The following ZNF652 variants were observed in gnomAD, a reference collection of about 807,000 sequenced individuals.
ZNF652 encodes zinc finger protein 652.
ZNF652 carries 16 observed loss-of-function variants against 45.2 expected under a neutral mutation model. The observed-to-expected ratio is 0.35, with a 90% CI of 0.24 to 0.54. The LOEUF (loss-of-function observed/expected upper bound fraction) is 0.54, where lower values mean the gene tolerates loss of function less well. Ranked by LOEUF, ZNF652 falls within the 20% of genes least tolerant of loss-of-function variation. The pLI is 0.91. For missense variants in ZNF652, 614 were observed against 765.6 expected, an observed-to-expected ratio of 0.80 and a Z score of 2.34; for synonymous variants, 250 against 260.6, an observed-to-expected ratio of 0.96 and a Z score of 0.39.
intron 1 of ZNF652, among the ~76,000 whole-genome samples, chr17:49,355,234 T>G (rs2070322998): frequency 6.6e-6 from 1 of 152,174 alleles, no homozygotes; most frequent in Admixed American, 6.6e-5. Flanking sequence ...ATAAAAAACT[T>G]TTAATAATTA....
Position 49,292,063 on chromosome 17 carries a change from A to T in ZNF652, c.*6350T>A, listed in dbSNP as rs920062699. Reference sequence around the variant, plus strand: ...TAGATACCCACCTTGTGTGGTTATTAGTCTTAAAAACCTGAGTACTATTAA... The same window carrying T: ...TAGATACCCACCTTGTGTGGTTATTTGTCTTAAAAACCTGAGTACTATTAA... On this transcript the variant is annotated 3_prime_UTR_variant, in exon 6 of 6. Coordinates refer to ENST00000430262, the MANE Select transcript of ZNF652 (RefSeq NM_001145365.3). Among the ~76,000 whole-genome samples, 2 of 152,188 alleles carry T rather than the reference A, an allele frequency of 1.3e-5. No individual in the cohort carries two copies. Among genetic ancestry groups the T allele is most frequent in the Non-Finnish European group, 2.9e-5 (2 of 68,030 alleles).
chr17:49,315,926 C>A (rs1457733289), intron 2 of ZNF652, among the ~76,000 whole-genome samples: 1 of 152,118 alleles, frequency 6.6e-6, no homozygotes, highest in Admixed American at 6.5e-5. Flanking sequence ...AAGTGACTAC[C>A]AATATTAGAA....
Position 49,297,026 on chromosome 17 carries a change from G to C in ZNF652, c.*1387C>G, listed in dbSNP as rs926278004. 2 of 152,126 alleles carry C rather than the reference G, an allele frequency of 1.3e-5. No individual in the cohort carries two copies. Among genetic ancestry groups the C allele is most frequent in the Admixed American group, 1.3e-4 (2 of 15,270 alleles). The allele number at this position is 152,126 out of a possible 1,614,324, so 9.4% of individuals were successfully genotyped here. On this transcript the variant is annotated 3_prime_UTR_variant, in exon 6 of 6. Coordinates refer to ENST00000430262, the MANE Select transcript of ZNF652 (RefSeq NM_001145365.3). ...ATGCTGGTATTACATAATTTGCAGA[G>C]GACAGGGCAGTAAAACTTAGGAGTT...
Position 49,293,247 on chromosome 17 carries a change from A to C in ZNF652, c.*5166T>G, listed in dbSNP as rs2069426770. On this transcript the variant is annotated 3_prime_UTR_variant, in exon 6 of 6. Coordinates refer to ENST00000430262, the MANE Select transcript of ZNF652 (RefSeq NM_001145365.3). ...GTTTTCCAAATATGTATGTCTGCAA[A>C]GTATTCTGACTTAAGTAAAGAATTT... 6.6e-6 allele frequency among the ~76,000 whole-genome samples: 1 copy of C among 152,246 alleles called. No homozygotes were observed. Among genetic ancestry groups the C allele is most frequent in the Non-Finnish European group, 1.5e-5 (1 of 68,042 alleles).
At chr17:49,329,593 G>GT (rs1238762550) in intron 1 of ZNF652, among the ~76,000 whole-genome samples, 1 of 152,196 alleles carries the variant, frequency 6.6e-6, no homozygotes, top group Non-Finnish European at 1.5e-5. Context: ...TAATAAAAAT[G>GT]TAATATGTCA....
rs2069814063 is a variant in ZNF652 at position 49,316,973 on chromosome 17, G to A, written c.753C>T (p.Pro251=). 6.2e-7 allele frequency: 1 copy of A among 1,614,074 alleles called. No homozygotes were observed. The highest frequency in any genetic ancestry group is 1.1e-5 in the South Asian group (1 of 91,074). The change falls in exon 2 of 6, where the codon CCC becomes CCT. Residue 251 remains proline (P), a synonymous_variant. Transcript: ENST00000430262. ...EKETLTCEKC[P]RVFNTRWYLE... is the part of the protein sequence containing the mutation. ...GGTACCAGCGAGTGTTAAATACCCT[G>A]GGGCACTTCTCACAGGTCAGAGTCT... is the stretch of plus-strand genomic sequence containing the variant.
At chr17:49,302,910 C>T (rs922253902) in intron 5 of ZNF652, among the ~76,000 whole-genome samples, 24 of 151,652 alleles carry the variant, frequency 1.6e-4, no homozygotes, top group African/African-American at 5.8e-4. Context: ...TGCAGTGAGC[C>T]GAGATCGTGC....
chr17:49,335,165 T>A (rs765055374), intron 1 of ZNF652, among the ~76,000 whole-genome samples: 3 of 152,218 alleles, frequency 2.0e-5, no homozygotes, highest in Non-Finnish European at 4.4e-5. Flanking sequence ...TATTTGGATA[T>A]AAATAGTTCA....
At chr17:49,347,735 GTTTTGTTTTTT>G (rs2070220267) in intron 1 of ZNF652, among the ~76,000 whole-genome samples, 1 of 124,410 alleles carries the variant, frequency 8.0e-6, no homozygotes. Flanking sequence ...TTGAACCTTG[GTTTTGTTTTTT>G]TTTTTTTTTT....
At chr17:49,358,871 G>A (rs1226816701) in intron 1 of ZNF652, among the ~76,000 whole-genome samples, 2 of 152,122 alleles carry the variant, frequency 1.3e-5, no homozygotes, top group East Asian at 1.9e-4. Flanking sequence ...GAAGAGTGTT[G>A]GAGAAACTAA....
intron 1 of ZNF652, among the ~76,000 whole-genome samples, chr17:49,356,537 TA>T (rs2143136272): frequency 6.8e-6 from 1 of 147,924 alleles, no homozygotes; most frequent in African/African-American, 2.5e-5. Context: ...ATCAATCACC[TA>T]AATTTTGTTT....
intron 1 of ZNF652, among the ~76,000 whole-genome samples, chr17:49,326,284 T>C (rs185486457): frequency 6.9e-6 from 1 of 144,880 alleles, no homozygotes; most frequent in Admixed American, 6.9e-5. Flanking sequence ...AGAAAAGAAC[T>C]GTGGATGTGG....
chr17:49,331,369 C>A (rs1295556538), intron 1 of ZNF652, among the ~76,000 whole-genome samples: 2 of 152,046 alleles, frequency 1.3e-5, no homozygotes, highest in Non-Finnish European at 2.9e-5. Flanking sequence ...GATCCACCCA[C>A]CTCGGCCTCC....
chr17:49,310,368 T>C (rs923536048), intron 5 of ZNF652, among the ~76,000 whole-genome samples: 1 of 152,228 alleles, frequency 6.6e-6, no homozygotes, highest in Non-Finnish European at 1.5e-5. Context: ...TATGCAAAGA[T>C]GGCTAATCCC....
chr17:49,343,610 C>T (rs2070171770), intron 1 of ZNF652, among the ~76,000 whole-genome samples: 1 of 151,912 alleles, frequency 6.6e-6, no homozygotes, highest in South Asian at 2.1e-4. Flanking sequence ...AGTCGAAAAC[C>T]TTAATAAACG....
intron 1 of ZNF652, among the ~76,000 whole-genome samples, chr17:49,353,185 A>T (rs1038656585): frequency 2.0e-5 from 3 of 152,118 alleles, no homozygotes; most frequent in Non-Finnish European, 2.9e-5. Flanking sequence ...TAAATTTCAA[A>T]TTCTTTTTTT....
chr17:49,346,998 G>A (rs2070211530), intron 1 of ZNF652, among the ~76,000 whole-genome samples: 1 of 152,168 alleles, frequency 6.6e-6, no homozygotes, highest in African/African-American at 2.4e-5. Context: ...AAAAGAATGA[G>A]GAACCAGCCT....
intron 1 of ZNF652, among the ~76,000 whole-genome samples, chr17:49,354,916 G>T (rs1415177004): frequency 6.6e-6 from 1 of 151,864 alleles, no homozygotes; most frequent in Non-Finnish European, 1.5e-5. Flanking sequence ...AGTAGAGATG[G>T]GGTTTCTCCA....
At chr17:49,353,482 A>AT (rs903786889) in intron 1 of ZNF652, among the ~76,000 whole-genome samples, 178 of 147,958 alleles carry the variant, frequency 1.2e-3, no homozygotes, top group South Asian at 2.4e-3. Context: ...ATTCTTTAAA[A>AT]TTTTTTTTTT....
Sources: allele counts gnomAD v4.1 joint callset (sites outside exome capture counted in the v4.1 genomes callset), GRCh38; gene constraint gnomAD v4.1.1; transcripts MANE v1.5; gene names NCBI Gene and HGNC (gene_info 2026-07-23, HGNC 2026-07-21).